ZFAND3: variants seen among roughly 807,000 people sequenced by gnomAD.
ZFAND3 encodes the protein AN1-type zinc finger protein 3.
In ZFAND3, 10 loss-of-function variants were observed where a neutral mutation model predicts 29.6. The ratio of observed to expected loss-of-function variants is 0.34; its 90% CI spans 0.21 to 0.57. The LOEUF (loss-of-function observed/expected upper bound fraction) is 0.57, where lower values mean the gene tolerates loss of function less well. Ranked by LOEUF, ZFAND3 falls within the 20% of genes least tolerant of loss-of-function variation. ZFAND3 has a pLI of 0.86. For synonymous variants in ZFAND3, 128 were observed against 112.6 expected (o/e 1.14, Z -0.87); for missense variants, 230 against 304.5 (o/e 0.76, Z 1.82).
chr6:38,023,428 T>G (rs1210434210), intron 2 of ZFAND3, among the ~76,000 whole-genome samples: 1 of 152,206 alleles, frequency 6.6e-6, no homozygotes, highest in African/African-American at 2.4e-5. Context: ...CAAAAAATGA[T>G]AAGTATATGA....
chr6:38,053,752 A>G (rs1764076936), intron 2 of ZFAND3, among the ~76,000 whole-genome samples: 1 of 152,166 alleles, frequency 6.6e-6, no homozygotes, highest in African/African-American at 2.4e-5. Context: ...GGCTTAGACT[A>G]CAGTGGTAAT....
intron 2 of ZFAND3, among the ~76,000 whole-genome samples, chr6:37,986,310 T>G (rs1762671163): frequency 6.6e-6 from 1 of 152,202 alleles, no homozygotes. Context: ...GCCTTATCCT[T>G]TAGACATTTG....
At chr6:38,121,968 G>T (rs1765543052) in intron 5 of ZFAND3, among the ~76,000 whole-genome samples, 1 of 152,098 alleles carries the variant, frequency 6.6e-6, no homozygotes, top group Non-Finnish European at 1.5e-5. Flanking sequence ...TGCTAGGAGG[G>T]TTGCAAAATG....
intron 2 of ZFAND3, among the ~76,000 whole-genome samples, chr6:37,955,046 C>T (rs1406577309): frequency 6.6e-6 from 1 of 152,050 alleles, no homozygotes; most frequent in African/African-American, 2.4e-5. Flanking sequence ...CAAGGGAGCC[C>T]CTCTGTAGGT....
intron 5 of ZFAND3, among the ~76,000 whole-genome samples, chr6:38,150,760 G>C (rs1175401301): frequency 6.8e-6 from 1 of 147,616 alleles, no homozygotes; most frequent in Admixed American, 6.7e-5. Flanking sequence ...GCCTGGATGA[G>C]GGCTTAAAAG....
chr6:38,029,862 A>G (rs73417990), intron 2 of ZFAND3, among the ~76,000 whole-genome samples: 4,126 of 152,044 alleles, frequency 0.027, 181 homozygotes, highest in African/African-American at 0.093. Flanking sequence ...CATTGCTACT[A>G]TGTTTGTTTT....
At chr6:38,025,931 G>T (rs1262853938) in intron 2 of ZFAND3, among the ~76,000 whole-genome samples, 2 of 152,146 alleles carry the variant, frequency 1.3e-5, no homozygotes, top group Admixed American at 1.3e-4. Context: ...GTTTCTTTCT[G>T]GGGTGATGAA....
At chr6:38,014,388 G>A (rs553746939) in intron 2 of ZFAND3, among the ~76,000 whole-genome samples, 70 of 151,834 alleles carry the variant, frequency 4.6e-4, no homozygotes, top group Non-Finnish European at 8.5e-4. Flanking sequence ...GTGCCGTGGC[G>A]CGATCTTGGC....
At chr6:38,098,306 C>CGGA (rs1765022588) in intron 4 of ZFAND3, among the ~76,000 whole-genome samples, 5 of 152,102 alleles carry the variant, frequency 3.3e-5, no homozygotes, top group African/African-American at 1.2e-4. Context: ...GCCACCGTCC[C>CGGA]CGGCTAATTT....
chr6:37,934,976 T>C (rs920693713), intron 2 of ZFAND3, among the ~76,000 whole-genome samples: 2 of 152,208 alleles, frequency 1.3e-5, no homozygotes, highest in African/African-American at 4.8e-5. Context: ...TATTTTCTTT[T>C]CTCAAATTAC....
chr6:37,858,927 A>T (rs1363672370), intron 1 of ZFAND3, among the ~76,000 whole-genome samples: 1 of 152,190 alleles, frequency 6.6e-6, no homozygotes, highest in Non-Finnish European at 1.5e-5. Context: ...AAGAGCTAGA[A>T]GATTTGCTGC....
At chr6:37,986,413 G>C (rs1321869803) in intron 2 of ZFAND3, among the ~76,000 whole-genome samples, 1 of 152,126 alleles carries the variant, frequency 6.6e-6, no homozygotes, top group East Asian at 1.9e-4. Flanking sequence ...TGGTGGCAGT[G>C]GTTGCATGTT....
chr6:37,990,931 A>T (rs574164036), intron 2 of ZFAND3, among the ~76,000 whole-genome samples: 9 of 152,330 alleles, frequency 5.9e-5, no homozygotes, highest in Admixed American at 5.2e-4. Context: ...TGCACAAAGA[A>T]TGACCCCAGG....
At chr6:37,902,500 C>T (rs760185800) in intron 1 of ZFAND3, among the ~76,000 whole-genome samples, 3 of 151,848 alleles carry the variant, frequency 2.0e-5, no homozygotes, top group Non-Finnish European at 2.9e-5. Context: ...AAAACACCAC[C>T]ACCACCACCA....
intron 4 of ZFAND3, among the ~76,000 whole-genome samples, chr6:38,108,414 A>G (rs564115492): frequency 6.6e-6 from 1 of 152,306 alleles, no homozygotes; most frequent in African/African-American, 2.4e-5. Flanking sequence ...AGAAGCCAAT[A>G]GTGGCTCAGT....
At chr6:38,030,070 A>G (rs1216814780) in intron 2 of ZFAND3, among the ~76,000 whole-genome samples, 21 of 38,942 alleles carry the variant, frequency 5.4e-4, no homozygotes, top group African/African-American at 1.1e-3. Context: ...ATATATATAT[A>G]TATATATATA....
At chr6:38,037,411 G>A (rs2127454209) in intron 2 of ZFAND3, among the ~76,000 whole-genome samples, 1 of 152,322 alleles carries the variant, frequency 6.6e-6, no homozygotes, top group East Asian at 1.9e-4. Context: ...GGTTTTAAGA[G>A]AAGTATGACT....
At chr6:37,950,809 C>T (rs1053097946) in intron 2 of ZFAND3, among the ~76,000 whole-genome samples, 6 of 152,188 alleles carry the variant, frequency 3.9e-5, no homozygotes, top group African/African-American at 1.4e-4. Flanking sequence ...TGTGATGCCT[C>T]CAACTTTGTT....
intron 1 of ZFAND3, among the ~76,000 whole-genome samples, chr6:37,857,254 T>TACTG: frequency 6.6e-6 from 1 of 152,218 alleles, no homozygotes; most frequent in African/African-American, 2.4e-5. Context: ...TTAGGATAAA[T>TACTG]ATTATGTTTA....
Sources: gnomAD v4.1 joint callset for allele counts (sites outside exome capture counted in the v4.1 genomes callset) on GRCh38, gnomAD v4.1.1 for gene constraint, MANE v1.5 for transcripts, NCBI Gene and HGNC (gene_info 2026-07-23, HGNC 2026-07-21) for gene names.